The following ALCAM variants were observed in gnomAD, a reference collection of about 807,000 sequenced individuals.
The protein encoded by ALCAM is activated leukocyte cell adhesion molecule.
ALCAM carries 30 observed loss-of-function variants against 70.9 expected under a neutral mutation model. The observed-to-expected ratio is 0.42, with a 90% CI of 0.32 to 0.57. ALCAM has a LOEUF of 0.57. ALCAM is among the 20% of genes least tolerant of loss of function. The pLI is 0.11. For missense variants in ALCAM, 591 were observed against 695.1 expected, an observed-to-expected ratio of 0.85 and a Z score of 1.68; for synonymous variants, 249 against 242.5, an observed-to-expected ratio of 1.03 and a Z score of -0.25.
chr3:105,379,896 G>A (rs949739699), intron 1 of ALCAM, among the ~76,000 whole-genome samples: 1 of 151,618 alleles, frequency 6.6e-6, no homozygotes, highest in Non-Finnish European at 1.5e-5. Flanking sequence ...CCAGTTCTTA[G>A]TTCTTTGTAC....
chr3:105,367,968 A>G (rs531774542), intron 1 of ALCAM, among the ~76,000 whole-genome samples: 1 of 152,054 alleles, frequency 6.6e-6, no homozygotes, highest in South Asian at 2.1e-4. Flanking sequence ...GGGGTAGAGA[A>G]GGAGAGGACT....
chr3:105,444,761 C>T (rs1937257188), intron 1 of ALCAM, among the ~76,000 whole-genome samples: 1 of 152,056 alleles, frequency 6.6e-6, no homozygotes, highest in Non-Finnish European at 1.5e-5. Flanking sequence ...TCTTCATCTC[C>T]CTATTTCTAT....
chr3:105,421,463 A>G (rs996762816), intron 1 of ALCAM, among the ~76,000 whole-genome samples: 1 of 151,572 alleles, frequency 6.6e-6, no homozygotes, highest in Admixed American at 6.6e-5. Flanking sequence ...AAAATTGGTA[A>G]TTTAAAGAAT....
rs761662426 is a variant in ALCAM at position 105,552,455 on chromosome 3, T to A, written c.1547-13T>A. ...TTGTCTGTAATTGCATGGACTTTTCTTCTTTGTTGCAGATGAAAACAGAGA... is the reference window on the plus strand; with the variant it reads ...TTGTCTGTAATTGCATGGACTTTTCATCTTTGTTGCAGATGAAAACAGAGA... On this transcript the variant is annotated splice_polypyrimidine_tract_variant and intron_variant, in intron 13 of 15. Coordinates refer to ENST00000306107, the MANE Select transcript of ALCAM (RefSeq NM_001627.4). The A allele has an allele frequency of 6.2e-7, 1 of 1,609,974 alleles. No individual in the cohort carries two copies. The highest frequency in any genetic ancestry group is 1.7e-5 in the Admixed American group (1 of 59,848).
At chr3:105,456,549 T>C (rs1212430291) in intron 1 of ALCAM, among the ~76,000 whole-genome samples, 2 of 152,222 alleles carry the variant, frequency 1.3e-5, no homozygotes, top group African/African-American at 2.4e-5. Flanking sequence ...CTAAAACTTA[T>C]AAGCAACTAC....
intron 1 of ALCAM, among the ~76,000 whole-genome samples, chr3:105,458,353 A>G (rs1937561642): frequency 6.6e-6 from 1 of 152,190 alleles, no homozygotes. Context: ...GGAACTGGGT[A>G]TGACATTGAC....
At chr3:105,367,558 A>G in intron 1 of ALCAM, 77 bp downstream of exon 1, 2 of 1,540,276 alleles carry the variant, frequency 1.3e-6, no homozygotes, top group Non-Finnish European at 1.8e-6. Context: ...CCAGCCTCGC[A>G]CCCCCGAGGC....
intron 1 of ALCAM, among the ~76,000 whole-genome samples, chr3:105,410,340 T>TG (rs1936354859): frequency 6.6e-6 from 1 of 152,082 alleles, no homozygotes; most frequent in African/African-American, 2.4e-5. Context: ...AAAAAGGTAG[T>TG]GTCTACCAAG....
chr3:105,476,530 T>C (rs146106905), intron 1 of ALCAM, among the ~76,000 whole-genome samples: 2 of 152,088 alleles, frequency 1.3e-5, no homozygotes, highest in Non-Finnish European at 2.9e-5. Flanking sequence ...CTGGTTCCAG[T>C]TAGTATACTT....
chr3:105,456,235 A>T (rs1320393807), intron 1 of ALCAM, among the ~76,000 whole-genome samples: 2 of 152,210 alleles, frequency 1.3e-5, no homozygotes, highest in Non-Finnish European at 2.9e-5. Flanking sequence ...AGAGCTGTTA[A>T]CACTGCTGCC....
intron 1 of ALCAM, among the ~76,000 whole-genome samples, chr3:105,473,391 A>T (rs9864062): frequency 0.59 from 88,688 of 151,236 alleles, 26,586 homozygotes; most frequent in East Asian, 0.89. Flanking sequence ...TACCAGCATG[A>T]TCTTACTTCC....
At chr3:105,452,082 AT>A (rs1298624837) in intron 1 of ALCAM, among the ~76,000 whole-genome samples, 1 of 150,112 alleles carries the variant, frequency 6.7e-6, no homozygotes, top group Non-Finnish European at 1.5e-5. Flanking sequence ...TAGTGAAATA[AT>A]TTTTTTTCAT....
At chr3:105,463,378 G>A (rs1332193796) in intron 1 of ALCAM, among the ~76,000 whole-genome samples, 1 of 151,284 alleles carries the variant, frequency 6.6e-6, no homozygotes. Context: ...TTCCTAATTT[G>A]TCTATTTCTG....
At chr3:105,525,858 A>G (rs371571862) in intron 3 of ALCAM, among the ~76,000 whole-genome samples, 2 of 152,234 alleles carry the variant, frequency 1.3e-5, no homozygotes, top group Admixed American at 6.5e-5. Flanking sequence ...CGATCGTTGT[A>G]TGAATCAAAC....
At chr3:105,382,251 C>T (rs1935541423) in intron 1 of ALCAM, among the ~76,000 whole-genome samples, 1 of 151,894 alleles carries the variant, frequency 6.6e-6, no homozygotes, top group Non-Finnish European at 1.5e-5. Context: ...CATCCATGTC[C>T]CTACAAAGGA....
At chr3:105,469,600 A>G (rs1034240916) in intron 1 of ALCAM, among the ~76,000 whole-genome samples, 1 of 151,180 alleles carries the variant, frequency 6.6e-6, no homozygotes, top group Non-Finnish European at 1.5e-5. Flanking sequence ...TTGTCTGAGG[A>G]CCAAATAAAT....
chr3:105,397,691 T>C (rs1322334395), intron 1 of ALCAM, among the ~76,000 whole-genome samples: 4 of 152,012 alleles, frequency 2.6e-5, no homozygotes, highest in African/African-American at 9.7e-5. Flanking sequence ...ATAATGATTG[T>C]CACATACCTT....
At chr3:105,493,122 C>G (rs1285020745) in intron 1 of ALCAM, among the ~76,000 whole-genome samples, 1 of 152,086 alleles carries the variant, frequency 6.6e-6, no homozygotes, top group African/African-American at 2.4e-5. Flanking sequence ...TGTGTTGTAT[C>G]AGAAGCTATG....
intron 1 of ALCAM, among the ~76,000 whole-genome samples, chr3:105,497,024 A>G (rs1421189783): frequency 1.3e-5 from 2 of 152,032 alleles, no homozygotes; most frequent in Non-Finnish European, 2.9e-5. Flanking sequence ...TAAAGAAAAA[A>G]CGTCTTTACT....
Sources: allele counts gnomAD v4.1 joint callset (sites outside exome capture counted in the v4.1 genomes callset), GRCh38; gene constraint gnomAD v4.1.1; transcripts MANE v1.5; gene names NCBI Gene and HGNC (gene_info 2026-07-23, HGNC 2026-07-21).